The following ANKRD44 variants were observed in gnomAD, a reference collection of about 807,000 sequenced individuals.
The protein encoded by ANKRD44 is serine/threonine-protein phosphatase 6 regulatory ankyrin repeat subunit B.
ANKRD44 carries 35 observed loss-of-function variants against 116.0 expected under a neutral mutation model. That is an observed-to-expected ratio of 0.30 (90% CI 0.23 to 0.40). The LOEUF (loss-of-function observed/expected upper bound fraction) is 0.40, where lower values mean the gene tolerates loss of function less well. ANKRD44 is among the 10% of genes least tolerant of loss of function. The probability of loss-of-function intolerance (pLI) is 1.00; values close to 1 mark genes in which losing one functional copy is unlikely to be tolerated. For synonymous variants in ANKRD44, 435 were observed against 461.8 expected, an observed-to-expected ratio of 0.94 and a Z score of 0.74; for missense variants, 1,014 against 1,242.6, an observed-to-expected ratio of 0.82 and a Z score of 2.77.
intron 18 of ANKRD44, among the ~76,000 whole-genome samples, chr2:197,011,476 T>C (rs1294984528): frequency 8.6e-6 from 1 of 116,412 alleles, no homozygotes; most frequent in Admixed American, 8.7e-5. Context: ...CCCTCAGGTA[T>C]TTTTTTTTTT....
chr2:197,248,319 C>A (rs532233572), intron 1 of ANKRD44, among the ~76,000 whole-genome samples: 1 of 152,072 alleles, frequency 6.6e-6, no homozygotes, highest in African/African-American at 2.4e-5. Flanking sequence ...CCAAGCAAGA[C>A]GGACTTCTCC....
intron 1 of ANKRD44, chr2:197,300,870 T>A (rs949542252): frequency 5.9e-5 from 9 of 151,432 alleles, no homozygotes; most frequent in African/African-American, 1.2e-4. Context: ...TTCAAGCAAT[T>A]CTCCTGCCTC....
intron 9 of ANKRD44, among the ~76,000 whole-genome samples, chr2:197,106,552 G>A (rs1447929251): frequency 6.6e-6 from 1 of 152,178 alleles, no homozygotes; most frequent in Non-Finnish European, 1.5e-5. Context: ...CACTTTGGGA[G>A]GCCGAGGCAG....
chr2:197,237,177 CT>C (rs1284292965), intron 1 of ANKRD44, among the ~76,000 whole-genome samples: 9 of 151,990 alleles, frequency 5.9e-5, no homozygotes, highest in Admixed American at 2.0e-4. Flanking sequence ...GACCTTTGTT[CT>C]ATAGAGTATT....
At chr2:197,195,223 C>T (rs1324124963) in intron 1 of ANKRD44, among the ~76,000 whole-genome samples, 1 of 152,168 alleles carries the variant, frequency 6.6e-6, no homozygotes, top group African/African-American at 2.4e-5. Context: ...TCAAGCAATT[C>T]TTCTGCCTCA....
chr2:197,179,592 C>T (rs1371916024), intron 2 of ANKRD44, among the ~76,000 whole-genome samples: 1 of 152,138 alleles, frequency 6.6e-6, no homozygotes, highest in Non-Finnish European at 1.5e-5. Flanking sequence ...AATACTAATG[C>T]CATACACTTG....
intron 4 of ANKRD44, among the ~76,000 whole-genome samples, chr2:197,131,313 TCCCGAGTAGCTGGGACTACAGGCG>T (rs1210693833): frequency 6.6e-6 from 1 of 151,030 alleles, no homozygotes; most frequent in African/African-American, 2.4e-5. Context: ...TGCCTCAGCC[TCCCGAGTAGCTGGGACTACAGGCG>T]CCCGCTACCA....
intron 26 of ANKRD44, chr2:196,994,616 G>A (rs1341681099): frequency 1.3e-5 from 2 of 152,530 alleles, no homozygotes; most frequent in African/African-American, 2.4e-5. Context: ...CCAGGTTCAA[G>A]TGATTCTCCT....
At chr2:197,049,927 C>T (rs1331184027) in intron 16 of ANKRD44, among the ~76,000 whole-genome samples, 1 of 152,162 alleles carries the variant, frequency 6.6e-6, no homozygotes, top group Admixed American at 6.5e-5. Context: ...CAAGACACCC[C>T]TTGGCCACTG....
intron 1 of ANKRD44, among the ~76,000 whole-genome samples, chr2:197,223,967 C>T (rs564679658): frequency 4.2e-5 from 6 of 141,408 alleles, no homozygotes; most frequent in East Asian, 4.1e-4. Context: ...AAACAAACCC[C>T]GAAAAGTAGT....
chr2:197,176,552 T>A (rs2080369245), intron 2 of ANKRD44, among the ~76,000 whole-genome samples: 1 of 152,120 alleles, frequency 6.6e-6, no homozygotes, highest in Non-Finnish European at 1.5e-5. Flanking sequence ...TACCAATAAA[T>A]GAAATATATT....
intron 1 of ANKRD44, among the ~76,000 whole-genome samples, chr2:197,216,183 T>C (rs917370958): frequency 2.0e-5 from 3 of 152,220 alleles, no homozygotes; most frequent in African/African-American, 7.2e-5. Flanking sequence ...AAAGTCGTCA[T>C]TCAAAATGCA....
At chr2:197,192,316 T>G (rs1343039644) in intron 1 of ANKRD44, among the ~76,000 whole-genome samples, 1 of 152,198 alleles carries the variant, frequency 6.6e-6, no homozygotes, top group African/African-American at 2.4e-5. Context: ...TCATTCTAGA[T>G]CCTGGTGTGT....
At chr2:197,257,697 C>G (rs1043933962) in intron 1 of ANKRD44, among the ~76,000 whole-genome samples, 2 of 152,080 alleles carry the variant, frequency 1.3e-5, no homozygotes, top group African/African-American at 2.4e-5. Flanking sequence ...TCATGTACCC[C>G]ACAAATATAT....
intron 16 of ANKRD44, among the ~76,000 whole-genome samples, chr2:197,040,896 A>G (rs62279182): frequency 0.11 from 17,071 of 152,134 alleles, 1,123 homozygotes; most frequent in East Asian, 0.16. Context: ...TGGTTCCCTC[A>G]TTACTTAATG....
rs189100649 is a variant in ANKRD44, at chr2:196,996,667, T to A, written c.2749-1206A>T. 5.9e-3 allele frequency among the ~76,000 whole-genome samples: 904 copies of A among 152,122 alleles called. 4 individuals are homozygous for A. Among genetic ancestry groups the A allele is most frequent in the Non-Finnish European group, 9.6e-3 (653 of 67,966 alleles). ...TGCCTGTAATCCTAGCACTTTGGGA[T>A]GCCAAGGCGGGCGGATCACGAGGTC... On this transcript the variant is annotated intron_variant, in intron 25 of 27. Coordinates refer to ENST00000282272, the MANE Select transcript of ANKRD44 (RefSeq NM_001195144.2).
At chr2:197,254,383 T>TA (rs1342242359) in intron 1 of ANKRD44, among the ~76,000 whole-genome samples, 2 of 149,932 alleles carry the variant, frequency 1.3e-5, no homozygotes, top group African/African-American at 2.5e-5. Context: ...GGCTCCATCT[T>TA]AAAAAACAAC....
At chr2:197,114,208 C>T (rs533752995) in intron 8 of ANKRD44, among the ~76,000 whole-genome samples, 6 of 152,234 alleles carry the variant, frequency 3.9e-5, no homozygotes, top group Admixed American at 6.5e-5. Context: ...ACATTCCTTG[C>T]GTTCTCAAAA....
chr2:196,991,975 T>C (rs553095627), intron 27 of ANKRD44, among the ~76,000 whole-genome samples: 2 of 152,218 alleles, frequency 1.3e-5, no homozygotes, highest in Non-Finnish European at 2.9e-5. Flanking sequence ...ACTATGCTTG[T>C]CATAATTAGA....
Sources: allele counts gnomAD v4.1 joint callset (sites outside exome capture counted in the v4.1 genomes callset), GRCh38; gene constraint gnomAD v4.1.1; transcripts MANE v1.5; gene names NCBI Gene and HGNC (gene_info 2026-07-23, HGNC 2026-07-21).